Variants in PI4KB observed in about 807,000 individuals in gnomAD.
The protein encoded by PI4KB is phosphatidylinositol 4-kinase beta.
Under a neutral mutation model 81.4 loss-of-function variants are expected in PI4KB, and 23 were observed. The ratio of observed to expected loss-of-function variants is 0.28; its 90% confidence interval spans 0.20 to 0.40. PI4KB has a LOEUF of 0.40. Among genes scored for constraint, PI4KB ranks in the 10% least tolerant of loss-of-function variants. PI4KB has a pLI of 1.00. For missense variants in PI4KB, 651 were observed against 1,036.6 expected (o/e 0.63, Z 5.11); for synonymous variants, 381 against 406.8 (o/e 0.94, Z 0.76).
intron 6 of PI4KB, 70 bp downstream of exon 6, chr1:151,303,471 A>G (rs914732474): frequency 5.6e-6 from 5 of 900,732 alleles, no homozygotes; most frequent in Middle Eastern, 2.1e-4. Context: ...GATGGAGAGG[A>G]AGGTAACAAA....
intron 2 of PI4KB, among the ~76,000 whole-genome samples, chr1:151,314,686 C>T (rs1647638817): frequency 6.6e-6 from 1 of 152,206 alleles, no homozygotes; most frequent in Non-Finnish European, 1.5e-5. Flanking sequence ...AAGGCATTCT[C>T]CAGATGCCTC....
intron 2 of PI4KB, among the ~76,000 whole-genome samples, chr1:151,312,201 C>T (rs1647243167): frequency 6.6e-6 from 1 of 152,198 alleles, no homozygotes; most frequent in African/African-American, 2.4e-5. Flanking sequence ...GAGAACAACT[C>T]TGCAGGGAGA....
intron 11 of PI4KB, chr1:151,293,648 C>T: frequency 3.2e-6 from 1 of 309,506 alleles, no homozygotes; most frequent in South Asian, 2.8e-5. Flanking sequence ...TGAAGGGTGG[C>T]AGAGGACAGG....
intron 4 of PI4KB, among the ~76,000 whole-genome samples, chr1:151,307,068 C>T (rs1307765110): frequency 6.6e-6 from 1 of 151,882 alleles, no homozygotes; most frequent in East Asian, 1.9e-4. Flanking sequence ...GAGTGAGACT[C>T]CATCTCAAAA....
chr1:151,326,939 A>G (rs1019289285), intron 1 of PI4KB, among the ~76,000 whole-genome samples: 1 of 152,196 alleles, frequency 6.6e-6, no homozygotes, highest in African/African-American at 2.4e-5. Context: ...ACGAGGAAGG[A>G]CAAGGATGGG....
rs1647801438 is a variant in PI4KB, at chr1:151,315,565, A to T, written c.909+8T>A. On this transcript the variant is annotated splice_region_variant and intron_variant, in intron 2 of 11. Coordinates refer to ENST00000368873, the MANE Select transcript of PI4KB (RefSeq NM_001369623.2). ...ACCTTTTGTCTCTGGCCCTCCCCAG[A>T]ATTTTACCTCATCCTCATTCTCCAC... The T allele has an allele frequency of 6.2e-7, 1 of 1,609,876 alleles. No individual in the cohort carries two copies. The highest frequency in any genetic ancestry group is 1.3e-5 in the African/African-American group (1 of 74,826).
intron 2 of PI4KB, among the ~76,000 whole-genome samples, chr1:151,313,297 T>C (rs910817001): frequency 6.6e-6 from 1 of 152,070 alleles, no homozygotes; most frequent in African/African-American, 2.4e-5. Context: ...TGACCCAAGA[T>C]AAGGAGTCAG....
intron 11 of PI4KB, chr1:151,293,806 C>A: frequency 1.9e-6 from 1 of 538,832 alleles, no homozygotes; most frequent in Non-Finnish European, 3.2e-6. Context: ...GCAGGTGCTG[C>A]TATCCCCTTC....
intron 3 of PI4KB, among the ~76,000 whole-genome samples, chr1:151,309,997 G>A (rs951404350): frequency 1.3e-5 from 2 of 152,190 alleles, no homozygotes; most frequent in African/African-American, 2.4e-5. Context: ...AGGATCAGCT[G>A]AGCTCATCTC....
At chr1:151,293,180 A>C in intron 11 of PI4KB, 147 bp from the exon 12 acceptor site, 1 of 1,474,496 alleles carries the variant, frequency 6.8e-7, no homozygotes, top group Non-Finnish European at 9.0e-7. Context: ...CTGCTTGGGC[A>C]GAGAGAAGGA....
chr1:151,298,425 T>C (rs1416870658), intron 9 of PI4KB: 2 of 207,294 alleles, frequency 9.6e-6, no homozygotes, highest in African/African-American at 2.3e-5. Flanking sequence ...TGGCCTCAAT[T>C]TACCTGCCTC....
chr1:151,306,183 C>T lies in PI4KB; in HGVS notation c.1363G>A (p.Asp455Asn), dbSNP rs778090293. The T allele has an allele frequency of 5.6e-6, 9 of 1,614,070 alleles. No individual in the cohort carries two copies. The highest frequency in any genetic ancestry group is 5.9e-6 in the Non-Finnish European group (7 of 1,180,042). ...TCATCCACCGACCAGGCCTCATCATCGTTGTCATAGTTGGGCACAGTGCTG... is the reference window on the plus strand; with the variant it reads ...TCATCCACCGACCAGGCCTCATCATTGTTGTCATAGTTGGGCACAGTGCTG... Reference protein sequence around the residue: ...SFSTVPNYDNDDEAWSVDDIG... With the variant: ...SFSTVPNYDNNDEAWSVDDIG... The change falls in exon 5 of 12, where the codon GAT becomes AAT. Residue 455 changes from aspartate to asparagine, a missense_variant. Physicochemically the swap from Asp to Asn is conservative, Grantham distance 23. Around this residue, in one of 5 missense-constraint regions of PI4KB, gnomAD observed 246 missense variants for 430.1 expected, o/e 0.57. Coordinates refer to ENST00000368873, the MANE Select transcript of PI4KB (RefSeq NM_001369623.2).
rs150938761 is a variant in PI4KB, at chr1:151,320,367, C to A, written c.-28-3858G>T. On this transcript the variant is annotated intron_variant, in intron 1 of 11. Coordinates refer to ENST00000368873, the MANE Select transcript of PI4KB (RefSeq NM_001369623.2). ...TTTTAACTGCCCAATATCATATAGT[C>A]CAGCTCCCTGCCTCCCAGCAGTCAC... Among the ~76,000 whole-genome samples the A allele has an allele frequency of 2.1e-3, 327 of 152,252 alleles. 2 individuals are homozygous for A. In the Middle Eastern group the frequency reaches 0.044, roughly 21 times the overall value.
At chr1:151,295,170 G>A (rs1019184223) in intron 9 of PI4KB, among the ~76,000 whole-genome samples, 1 of 152,254 alleles carries the variant, frequency 6.6e-6, no homozygotes, top group Non-Finnish European at 1.5e-5. Context: ...TAAATCCCAG[G>A]TCTTTGTGAT....
intron 6 of PI4KB, chr1:151,303,330 T>C (rs2101942184): frequency 1.9e-6 from 1 of 521,978 alleles, no homozygotes; most frequent in East Asian, 3.4e-5. Flanking sequence ...TGGAGTCTTT[T>C]TAAAATTTAA....
chr1:151,302,510 C>T (rs1262209181), intron 6 of PI4KB, among the ~76,000 whole-genome samples: 1 of 151,728 alleles, frequency 6.6e-6, no homozygotes, highest in Non-Finnish European at 1.5e-5. Flanking sequence ...CCAGGCCCTC[C>T]ATATTCCTCT....
chr1:151,303,865 C>A (rs1695511375), intron 5 of PI4KB, among the ~76,000 whole-genome samples: 1 of 152,130 alleles, frequency 6.6e-6, no homozygotes, highest in Non-Finnish European at 1.5e-5. Context: ...GATTCCCAGG[C>A]CCCACCATCA....
intron 9 of PI4KB, among the ~76,000 whole-genome samples, chr1:151,295,887 G>A (rs1694749549): frequency 6.6e-6 from 1 of 152,122 alleles, no homozygotes; most frequent in African/African-American, 2.4e-5. Flanking sequence ...GGCTCCCTGG[G>A]CCCTGAGTTC....
intron 2 of PI4KB, among the ~76,000 whole-genome samples, chr1:151,310,982 A>G (rs1281849030): frequency 6.6e-6 from 1 of 152,112 alleles, no homozygotes; most frequent in African/African-American, 2.4e-5. Context: ...ATATACTACA[A>G]TTTTTGATAT....
Sources: allele counts gnomAD v4.1 joint callset (sites outside exome capture counted in the v4.1 genomes callset), GRCh38; gene constraint gnomAD v4.1.1; regional missense constraint gnomAD v4.1.1; transcripts MANE v1.5; gene names NCBI Gene and HGNC (gene_info 2026-07-23, HGNC 2026-07-21).